Variants in RHEX observed in about 807,000 individuals in gnomAD.
The protein encoded by RHEX is regulator of hemoglobinization and erythroid cell expansion protein.
Under a neutral mutation model 20.1 loss-of-function variants are expected in RHEX, and 18 were observed. The ratio of observed to expected loss-of-function variants is 0.90; its 90% confidence interval spans 0.62 to 1.33. The LOEUF is 1.33. Ranked by LOEUF, RHEX falls within the 40% of genes most tolerant of loss-of-function variation. The pLI is 0.00. For synonymous variants in RHEX, 87 were observed against 77.1 expected, an observed-to-expected ratio of 1.13 and a Z score of -0.67; for missense variants, 192 against 214.3, an observed-to-expected ratio of 0.90 and a Z score of 0.65.
intron 1 of RHEX, among the ~76,000 whole-genome samples, chr1:206,063,724 C>T (rs1336505550): frequency 6.6e-6 from 1 of 152,240 alleles, no homozygotes; most frequent in Non-Finnish European, 1.5e-5. Flanking sequence ...AGTGCAGTGG[C>T]GTGATCTCGG....
In RHEX at chr1:206,101,853, T is replaced by C; in HGVS notation, c.420T>C (p.Asp140=). 2 of 1,614,040 alleles carry C rather than the reference T, an allele frequency of 1.2e-6. No homozygotes were observed. The highest frequency in any genetic ancestry group is 2.7e-5 in the African/African-American group (2 of 75,048). Reference sequence around the variant, plus strand: ...ATGAGAACATAAAGGAAATCACAGATTATGTCAATGTCAATCCAGAAAGAC... The same window carrying C: ...ATGAGAACATAAAGGAAATCACAGACTATGTCAATGTCAATCCAGAAAGAC... ...LDYENIKEIT[D]YVNVNPERHK... Residue 140 remains aspartate, a synonymous_variant, in exon 6 of 6, where the codon GAT becomes GAC. Coordinates refer to ENST00000331555, the MANE Select transcript of RHEX (RefSeq NM_001007544.4).
At chr1:206,056,423 A>T (rs1306523575) in intron 1 of RHEX, 1 of 152,322 alleles carries the variant, frequency 6.6e-6, no homozygotes, top group African/African-American at 2.4e-5. Flanking sequence ...GACCTTCCTC[A>T]GACTGAGAAC....
Position 206,089,021 on chromosome 1 carries a change from CT to C in RHEX, c.-96-8708del, listed in dbSNP as rs148062646. On this transcript the variant is annotated intron_variant, in intron 1 of 5. Transcript: ENST00000331555. ...CCATCTCCTGTTTCCCTCAAGAATA[CT>C]TTTGTCTCTTACCCTCATGTAACAT... Among the ~76,000 whole-genome samples, 979 of 152,084 alleles carry C rather than the reference CT, an allele frequency of 6.4e-3. 15 individuals are homozygous for C. The highest frequency in any genetic ancestry group is 0.022 in the African/African-American group (931 of 41,480).
In RHEX at chr1:206,098,219, TCA is replaced by T. The variant is rs1553287993; in HGVS notation, c.112+39_112+40del. 7 of 1,412,680 alleles carry T rather than the reference TCA, an allele frequency of 5.0e-6. No homozygotes were observed. In the South Asian group the frequency reaches 6.9e-5, roughly 14 times the overall value. 87.5% of individuals were successfully genotyped at this position (1,412,680 alleles called of 1,614,324 possible). A position where few individuals can be genotyped will look rare whatever the true frequency, so the allele number is the denominator to read the frequency against. On this transcript the variant is annotated intron_variant, in intron 3 of 5. Coordinates refer to ENST00000331555, the MANE Select transcript of RHEX (RefSeq NM_001007544.4). ...GCATCCTCTTCCCTCCTAGTCACTC[TCA>T]GAGACCATTCTCGAGCCTCCAGCAG...
intron 1 of RHEX, among the ~76,000 whole-genome samples, chr1:206,087,541 A>G (rs1245800420): frequency 1.3e-5 from 2 of 152,142 alleles, no homozygotes; most frequent in Non-Finnish European, 2.9e-5. Flanking sequence ...CCAAGTGCAA[A>G]TGAACTCTTG....
intron 3 of RHEX, 29 bp from the exon 4 acceptor site, chr1:206,099,626 A>C: frequency 6.2e-7 from 1 of 1,608,486 alleles, no homozygotes; most frequent in Non-Finnish European, 8.5e-7. Flanking sequence ...GCCAGTTTCC[A>C]CTTTTGATCC....
intron 1 of RHEX, among the ~76,000 whole-genome samples, chr1:206,080,750 C>T (rs1553285758): frequency 6.6e-6 from 1 of 152,188 alleles, no homozygotes; most frequent in South Asian, 2.1e-4. Flanking sequence ...ACCCAGACCT[C>T]AGTAGGAAGC....
intron 1 of RHEX, among the ~76,000 whole-genome samples, chr1:206,063,456 A>G (rs1442188460): frequency 2.6e-5 from 4 of 152,146 alleles, no homozygotes; most frequent in African/African-American, 4.8e-5. Context: ...AAGCTGGACT[A>G]TACTGCTGCC....
intron 1 of RHEX, among the ~76,000 whole-genome samples, chr1:206,064,213 A>C (rs1662368320): frequency 1.4e-5 from 2 of 147,798 alleles, no homozygotes; most frequent in African/African-American, 2.6e-5. Flanking sequence ...CCCGTCTGGG[A>C]AGTGAGGAGC....
intron 1 of RHEX, among the ~76,000 whole-genome samples, chr1:206,064,643 G>A (rs1292987205): frequency 3.3e-5 from 5 of 149,446 alleles, no homozygotes; most frequent in African/African-American, 9.8e-5. Context: ...GCCCCGTCCC[G>A]GGGGGAGGTG....
intron 1 of RHEX, among the ~76,000 whole-genome samples, chr1:206,072,297 C>T (rs35419494): frequency 0.11 from 17,269 of 152,122 alleles, 1,135 homozygotes; most frequent in South Asian, 0.19. Context: ...GAGAATGGGC[C>T]GGGCGCGGTT....
At chr1:206,079,582 G>A (rs1196932988) in intron 1 of RHEX, among the ~76,000 whole-genome samples, 2 of 152,040 alleles carry the variant, frequency 1.3e-5, no homozygotes, top group Admixed American at 1.3e-4. Context: ...TTTAGATGGA[G>A]TCTCACTGTG....
intron 1 of RHEX, among the ~76,000 whole-genome samples, chr1:206,072,524 C>T (rs1662555403): frequency 6.6e-6 from 1 of 151,862 alleles, no homozygotes; most frequent in Admixed American, 6.6e-5. Flanking sequence ...TGCAGTGAGC[C>T]GAGATCGTGC....
intron 3 of RHEX, 68 bp from the exon 4 acceptor site, chr1:206,099,587 G>A: frequency 6.7e-7 from 1 of 1,498,296 alleles, no homozygotes; most frequent in African/African-American, 1.4e-5. Flanking sequence ...CCAAATTGCT[G>A]GGATTACAGG....
chr1:206,064,262 G>C (rs1269698777), intron 1 of RHEX, among the ~76,000 whole-genome samples: 1 of 139,978 alleles, frequency 7.1e-6, no homozygotes, highest in Non-Finnish European at 1.6e-5. Flanking sequence ...GAGGGAGGTG[G>C]GGGGGGTCAG....
intron 1 of RHEX, among the ~76,000 whole-genome samples, chr1:206,054,195 TG>T (rs374697561): frequency 6.6e-6 from 1 of 151,666 alleles, no homozygotes; most frequent in African/African-American, 2.4e-5. Context: ...ATTCTTGTCC[TG>T]AAATAAACTA....
At chr1:206,087,201 C>A (rs1662857852) in intron 1 of RHEX, among the ~76,000 whole-genome samples, 1 of 152,206 alleles carries the variant, frequency 6.6e-6, no homozygotes, top group Non-Finnish European at 1.5e-5. Context: ...GTATACTCAG[C>A]TGTTTCCACA....
chr1:206,084,385 G>A (rs1220655806), intron 1 of RHEX, among the ~76,000 whole-genome samples: 3 of 152,292 alleles, frequency 2.0e-5, no homozygotes, highest in Middle Eastern at 6.8e-3. Context: ...TACGCAGATT[G>A]GCCCATTTAT....
chr1:206,082,329 C>T (rs934006902), intron 1 of RHEX, among the ~76,000 whole-genome samples: 33 of 152,050 alleles, frequency 2.2e-4, no homozygotes, highest in African/African-American at 7.5e-4. Context: ...CAGCTCCTGA[C>T]CAGCATGATG....
Sources: allele counts gnomAD v4.1 joint callset (sites outside exome capture counted in the v4.1 genomes callset), GRCh38; gene constraint gnomAD v4.1.1; transcripts MANE v1.5; gene names NCBI Gene and HGNC (gene_info 2026-07-23, HGNC 2026-07-21).